Variants in GALNT13 observed in about 807,000 individuals in gnomAD.
The protein encoded by GALNT13 is polypeptide N-acetylgalactosaminyltransferase 13.
A neutral mutation model predicts 64.2 loss-of-function variants in GALNT13; 28 were observed. The ratio of observed to expected loss-of-function variants is 0.44; its 90% confidence interval spans 0.32 to 0.60. The LOEUF (loss-of-function observed/expected upper bound fraction) is 0.60, where lower values mean the gene tolerates loss of function less well. GALNT13 is among the 20% of genes least tolerant of loss of function. GALNT13 has a pLI of 0.05. For missense variants in GALNT13, 577 were observed against 669.8 expected (o/e 0.86, Z 1.53); for synonymous variants, 214 against 224.6 (o/e 0.95, Z 0.42).
chr2:154,101,546 A>G (rs1351344286), intron 3 of GALNT13, among the ~76,000 whole-genome samples: 2 of 151,868 alleles, frequency 1.3e-5, no homozygotes, highest in South Asian at 4.2e-4. Context: ...TGTCTCTTTT[A>G]TCTGTAGTTA....
chr2:153,429,302 T>C, the GALNT13 span, among the ~76,000 whole-genome samples: 1 of 152,214 alleles, frequency 6.6e-6, no homozygotes, highest in Admixed American at 6.5e-5. Context: ...ATGTCCTGAA[T>C]CTCCCATCTT....
the GALNT13 span, among the ~76,000 whole-genome samples, chr2:153,791,192 C>A: frequency 6.6e-6 from 1 of 152,150 alleles, no homozygotes; most frequent in African/African-American, 2.4e-5. Flanking sequence ...GCAAACAACC[C>A]CATTAAAGTG....
At chr2:154,426,625 T>C (rs532484885) in intron 11 of GALNT13, among the ~76,000 whole-genome samples, 2 of 152,334 alleles carry the variant, frequency 1.3e-5, no homozygotes, top group South Asian at 4.1e-4. Flanking sequence ...TAGTAAAATA[T>C]AAGCATCTGG....
intron 3 of GALNT13, among the ~76,000 whole-genome samples, chr2:154,006,247 A>G (rs1343683800): frequency 6.6e-6 from 1 of 152,120 alleles, no homozygotes; most frequent in African/African-American, 2.4e-5. Context: ...TGAATTACTG[A>G]TTGTTTTATA....
chr2:153,986,999 A>G (rs573411196), intron 3 of GALNT13, among the ~76,000 whole-genome samples: 12 of 152,040 alleles, frequency 7.9e-5, no homozygotes, highest in Admixed American at 7.9e-4. Context: ...AAATAAGAGA[A>G]GCGTAAGAGC....
chr2:154,347,963 G>GT (rs1411912805), intron 9 of GALNT13, among the ~76,000 whole-genome samples: 4 of 152,094 alleles, frequency 2.6e-5, no homozygotes, highest in Non-Finnish European at 4.4e-5. Flanking sequence ...TATCAGAAGT[G>GT]TTTTTAAAAA....
chr2:153,247,778 T>C, the GALNT13 span, among the ~76,000 whole-genome samples: 126,842 of 151,978 alleles, frequency 0.83, 54,164 homozygotes, highest in African/African-American at 0.93. Flanking sequence ...ATCCAGGAGG[T>C]GGTTTTTTGA....
At chr2:154,130,433 A>G (rs947659846) in intron 3 of GALNT13, among the ~76,000 whole-genome samples, 2 of 152,194 alleles carry the variant, frequency 1.3e-5, no homozygotes, top group African/African-American at 4.8e-5. Context: ...CCAGCATTAG[A>G]TTTAATTTTA....
At chr2:153,110,980 GC>G in the GALNT13 span, among the ~76,000 whole-genome samples, 1 of 152,016 alleles carries the variant, frequency 6.6e-6, no homozygotes, top group Non-Finnish European at 1.5e-5. Context: ...AGACTGAAAT[GC>G]CCCCCATAGA....
the GALNT13 span, among the ~76,000 whole-genome samples, chr2:153,388,296 T>C: frequency 6.6e-6 from 1 of 152,046 alleles, no homozygotes; most frequent in Non-Finnish European, 1.5e-5. Flanking sequence ...AAAGATCTAG[T>C]GGTTATAAAA....
chr2:153,810,623 G>A, the GALNT13 span, among the ~76,000 whole-genome samples: 45 of 152,092 alleles, frequency 3.0e-4, no homozygotes, highest in Admixed American at 2.7e-3. Context: ...AGATAAAGGA[G>A]CTCTAAACAA....
At chr2:153,742,441 G>C in the GALNT13 span, among the ~76,000 whole-genome samples, 1 of 151,852 alleles carries the variant, frequency 6.6e-6, no homozygotes, top group Admixed American at 6.6e-5. Context: ...GATTTAGGGG[G>C]TACATATGCA....
chr2:153,799,381 G>C, the GALNT13 span, among the ~76,000 whole-genome samples: 1 of 152,198 alleles, frequency 6.6e-6, no homozygotes, highest in Non-Finnish European at 1.5e-5. Context: ...AACCAGAATG[G>C]CTTCTATAGT....
the GALNT13 span, among the ~76,000 whole-genome samples, chr2:153,118,009 G>A: frequency 4.0e-5 from 6 of 151,592 alleles, no homozygotes; most frequent in African/African-American, 9.7e-5. Context: ...TTGAACTGTG[G>A]TCATAGCAGG....
At chr2:153,216,138 T>C in the GALNT13 span, among the ~76,000 whole-genome samples, 5 of 152,070 alleles carry the variant, frequency 3.3e-5, no homozygotes, top group Non-Finnish European at 5.9e-5. Context: ...TCACCAATAT[T>C]GTTGTGTGAA....
intron 3 of GALNT13, among the ~76,000 whole-genome samples, chr2:154,058,364 A>G (rs958624944): frequency 7.2e-5 from 11 of 152,204 alleles, no homozygotes; most frequent in Non-Finnish European, 1.3e-4. Flanking sequence ...GAGCTGATTA[A>G]AACAGCCATA....
At chr2:153,742,315 A>T in the GALNT13 span, among the ~76,000 whole-genome samples, 31 of 151,770 alleles carry the variant, frequency 2.0e-4, no homozygotes, top group South Asian at 6.2e-4. Flanking sequence ...AAATTCGTAA[A>T]TTTTTTTTTA....
the GALNT13 span, among the ~76,000 whole-genome samples, chr2:153,520,560 GA>G: frequency 6.6e-6 from 1 of 152,144 alleles, no homozygotes; most frequent in Non-Finnish European, 1.5e-5. Context: ...TTTCTGGTCA[GA>G]AAAGGAGAAC....
the GALNT13 span, among the ~76,000 whole-genome samples, chr2:153,698,921 C>T: frequency 1.3e-5 from 2 of 152,048 alleles, no homozygotes; most frequent in African/African-American, 2.4e-5. Context: ...TTAGTACTCA[C>T]GATTAAGAAA....
Sources: allele counts gnomAD v4.1 joint callset (sites outside exome capture counted in the v4.1 genomes callset), GRCh38; gene constraint gnomAD v4.1.1; transcripts MANE v1.5; gene names NCBI Gene and HGNC (gene_info 2026-07-23, HGNC 2026-07-21).